The following KIAA0753 variants were observed in gnomAD, a reference collection of about 807,000 sequenced individuals.
KIAA0753 encodes KIAA0753, also known as protein moonraker.
A neutral mutation model predicts 116.9 loss-of-function variants in KIAA0753; 114 were observed. The observed-to-expected ratio is 0.98, with a 90% CI of 0.84 to 1.14. KIAA0753 has a LOEUF of 1.14. KIAA0753 is among the 50% of genes most tolerant of loss of function. The pLI, the probability that KIAA0753 is intolerant of heterozygous loss-of-function variation, is 0.00. For missense variants in KIAA0753, 1,156 were observed against 1,172.4 expected, an observed-to-expected ratio of 0.99 and a Z score of 0.20; for synonymous variants, 405 against 413.1, an observed-to-expected ratio of 0.98 and a Z score of 0.24.
intron 16 of KIAA0753, among the ~76,000 whole-genome samples, chr17:6,592,669 C>T (rs1969158681): frequency 6.6e-6 from 1 of 151,910 alleles, no homozygotes; most frequent in African/African-American, 2.4e-5. Context: ...AACTTTTATG[C>T]AAGATGGATC....
At chr17:6,615,680 C>T (rs949248752) in intron 7 of KIAA0753, among the ~76,000 whole-genome samples, 1 of 147,184 alleles carries the variant, frequency 6.8e-6, no homozygotes, top group African/African-American at 2.5e-5. Flanking sequence ...AACTCCCAAG[C>T]TTATATACAT....
At chr17:6,608,502 A>T in intron 9 of KIAA0753, 38 bp from the exon 10 acceptor site, 1 of 1,202,122 alleles carries the variant, frequency 8.3e-7, no homozygotes, top group Non-Finnish European at 1.2e-6. Flanking sequence ...GTCATCATTC[A>T]CTCCGTATCC....
intron 17 of KIAA0753, 56 bp from the exon 18 acceptor site, chr17:6,590,059 A>T: frequency 7.6e-7 from 1 of 1,317,698 alleles, no homozygotes; most frequent in Non-Finnish European, 1.0e-6. Context: ...GCAAGACTAA[A>T]CTGTTAATTT....
chr17:6,591,095 GAA>G (rs1969029545), intron 16 of KIAA0753, among the ~76,000 whole-genome samples: 1 of 138,052 alleles, frequency 7.2e-6, no homozygotes. Flanking sequence ...AGAAGAAGAA[GAA>G]GAAGAAGAAG....
chr17:6,603,744 C>A (rs902467258), intron 12 of KIAA0753, among the ~76,000 whole-genome samples: 1 of 152,154 alleles, frequency 6.6e-6, no homozygotes, highest in East Asian at 1.9e-4. Flanking sequence ...CCAATAGGCA[C>A]AGACAAAAAA....
At chr17:6,617,840 C>T (rs1025737235) in intron 7 of KIAA0753, among the ~76,000 whole-genome samples, 3 of 152,216 alleles carry the variant, frequency 2.0e-5, no homozygotes, top group African/African-American at 7.2e-5. Flanking sequence ...CAGTGGCTCA[C>T]GCCTGTAATC....
chr17:6,593,455 G>T (rs973631827), intron 16 of KIAA0753, among the ~76,000 whole-genome samples: 1 of 150,686 alleles, frequency 6.6e-6, no homozygotes, highest in East Asian at 2.0e-4. Flanking sequence ...CTCACACCTG[G>T]AATCCCAGCA....
intron 8 of KIAA0753, among the ~76,000 whole-genome samples, chr17:6,610,573 T>G (rs1411879887): frequency 7.1e-6 from 1 of 140,846 alleles, no homozygotes; most frequent in Non-Finnish European, 1.5e-5. Flanking sequence ...TAGGCTGGAG[T>G]GCAGAGGTAT....
chr17:6,631,885 TTTTA>T (rs534584397), intron 2 of KIAA0753, among the ~76,000 whole-genome samples: 6 of 152,108 alleles, frequency 3.9e-5, no homozygotes, highest in East Asian at 1.9e-4. Flanking sequence ...CTGGAGTATC[TTTTA>T]TTTATTTATT....
intron 18 of KIAA0753, among the ~76,000 whole-genome samples, chr17:6,585,687 GA>G (rs1489114004): frequency 6.6e-6 from 1 of 151,976 alleles, no homozygotes; most frequent in African/African-American, 2.4e-5. Flanking sequence ...TTATTCCCTG[GA>G]AGTTCCTTTT....
rs537865063 is a variant in KIAA0753, at chr17:6,619,539, G to A, written c.1315+1249C>T. Among the ~76,000 whole-genome samples the A allele has an allele frequency of 2.5e-3, 383 of 151,956 alleles. 3 individuals carry two copies. The highest frequency in any genetic ancestry group is 8.8e-3 in the African/African-American group (366 of 41,442). ...TCTCCCAGGCTCAAGTGATCCTCCT[G>A]CCTCAGCCTTCCAAGTAGCTGGGAT... On this transcript the variant is annotated intron_variant, in intron 7 of 18. Coordinates refer to ENST00000361413, the MANE Select transcript of KIAA0753 (RefSeq NM_014804.3).
At chr17:6,619,318 G>A (rs774449751) in intron 7 of KIAA0753, among the ~76,000 whole-genome samples, 15 of 152,114 alleles carry the variant, frequency 9.9e-5, no homozygotes, top group Non-Finnish European at 1.9e-4. Flanking sequence ...CTTAGATGCC[G>A]GTAATATTCT....
In KIAA0753 at chr17:6,590,099, T is replaced by G. The variant is rs1419518719; in HGVS notation, c.2562-96A>C. The G allele has an allele frequency of 4.2e-6, 4 of 957,640 alleles. No individual in the cohort carries two copies. The East Asian group carries it at 7.9e-5, about 19-fold the overall frequency. 59.3% of individuals were successfully genotyped at this position (957,640 alleles called of 1,614,324 possible). On this transcript the variant is annotated intron_variant, in intron 17 of 18. Coordinates refer to ENST00000361413, the MANE Select transcript of KIAA0753 (RefSeq NM_014804.3). ...TCATGGTTTGATAGCCAAAGGCTCATCTTGATTTCTCTTTCTCACAATGAA... is the reference window on the plus strand; with the variant it reads ...TCATGGTTTGATAGCCAAAGGCTCAGCTTGATTTCTCTTTCTCACAATGAA...
chr17:6,614,432 ACAG>A lies in KIAA0753; in HGVS notation c.1316-2287_1316-2285del, dbSNP rs542032037. ...GTATATTCATATAAGGGAAACCTAT[ACAG>A]CAGTAAAATTAATAAATGAGAATTC... On this transcript the variant is annotated intron_variant, in intron 7 of 18. Coordinates refer to ENST00000361413, the MANE Select transcript of KIAA0753 (RefSeq NM_014804.3). Among the ~76,000 whole-genome samples the A allele has an allele frequency of 3.4e-4, 51 of 149,178 alleles. 2 individuals carry two copies. The highest frequency in any genetic ancestry group is 1.2e-3 in the African/African-American group (49 of 39,758).
intron 2 of KIAA0753, among the ~76,000 whole-genome samples, chr17:6,631,640 G>A (rs969589026): frequency 6.6e-5 from 10 of 152,192 alleles, no homozygotes; most frequent in African/African-American, 9.7e-5. Context: ...CTACAGACAT[G>A]TGAGTACGGG....
intron 16 of KIAA0753, 29 bp downstream of exon 16, chr17:6,594,943 T>G (rs1969357659): frequency 6.5e-7 from 1 of 1,548,592 alleles, no homozygotes; most frequent in Admixed American, 1.8e-5. Flanking sequence ...GAATAAAATG[T>G]TAGGGGAAAA....
rs931838412 is a variant in KIAA0753 at position 6,579,505 on chromosome 17, C to G, written c.*242G>C. 4.7e-6 allele frequency: 2 copies of G among 426,098 alleles called. No homozygotes were observed. The highest frequency in any genetic ancestry group is 3.9e-5 in the African/African-American group (2 of 50,980). The allele number at this position is 426,098 out of a possible 1,614,324, so 26.4% of individuals were successfully genotyped here. A position where few individuals can be genotyped will look rare whatever the true frequency, so the allele number is the denominator to read the frequency against. ...CACATTCTGAAAATATTGCCATAATCAAGTTGTGTTGCCTGGGCACTGATA... is the reference window on the plus strand; with the variant it reads ...CACATTCTGAAAATATTGCCATAATGAAGTTGTGTTGCCTGGGCACTGATA... On this transcript the variant is annotated 3_prime_UTR_variant, in exon 19 of 19. Coordinates refer to ENST00000361413, the MANE Select transcript of KIAA0753 (RefSeq NM_014804.3).
At chr17:6,600,555 C>T in intron 12 of KIAA0753, 97 bp from the exon 13 acceptor site, 1 of 871,516 alleles carries the variant, frequency 1.1e-6, no homozygotes, top group Non-Finnish European at 1.8e-6. Flanking sequence ...AATAAAATGA[C>T]CACGAGCTTC....
At chr17:6,630,823 CTA>C (rs1417089989) in intron 2 of KIAA0753, among the ~76,000 whole-genome samples, 3 of 152,100 alleles carry the variant, frequency 2.0e-5, no homozygotes, top group Non-Finnish European at 4.4e-5. Context: ...GCAGAAAGCA[CTA>C]TGCGCAAAAA....
Sources: gnomAD v4.1 joint callset for allele counts (sites outside exome capture counted in the v4.1 genomes callset) on GRCh38, gnomAD v4.1.1 for gene constraint, MANE v1.5 for transcripts, NCBI Gene and HGNC (gene_info 2026-07-23, HGNC 2026-07-21) for gene names.